Variants in MSI2 observed in about 807,000 individuals in gnomAD.
MSI2 encodes the protein musashi RNA binding protein 2, also known as RNA-binding protein Musashi homolog 2.
A neutral mutation model predicts 45.6 loss-of-function variants in MSI2; 17 were observed. That is an observed-to-expected ratio of 0.37 (90% CI 0.26 to 0.56). The LOEUF is 0.56. Among genes scored for constraint, MSI2 ranks in the 20% least tolerant of loss-of-function variants. MSI2 has a pLI of 0.77. For synonymous variants in MSI2, 156 were observed against 158.2 expected (o/e 0.99, Z 0.11); for missense variants, 293 against 444.2 (o/e 0.66, Z 3.06).
intron 6 of MSI2, among the ~76,000 whole-genome samples, chr17:57,498,116 C>T (rs544629037): frequency 2.6e-5 from 4 of 152,168 alleles, no homozygotes; most frequent in Non-Finnish European, 5.9e-5. Context: ...CTGTTACCCC[C>T]GCTACCCTTA....
intron 5 of MSI2, among the ~76,000 whole-genome samples, chr17:57,381,504 C>T (rs1297671511): frequency 6.6e-6 from 1 of 152,142 alleles, no homozygotes; most frequent in Non-Finnish European, 1.5e-5. Context: ...GAACCTGTTA[C>T]CTTATTGTTC....
chr17:57,598,279 A>G (rs1296108647), intron 8 of MSI2, among the ~76,000 whole-genome samples: 1 of 152,224 alleles, frequency 6.6e-6, no homozygotes, highest in Non-Finnish European at 1.5e-5. Context: ...CTTCTAAAAC[A>G]TGCGTTCAGA....
At chr17:57,318,857 T>A (rs376344113) in intron 5 of MSI2, among the ~76,000 whole-genome samples, 2 of 152,206 alleles carry the variant, frequency 1.3e-5, no homozygotes, top group East Asian at 3.8e-4. Flanking sequence ...GGCTGATTTG[T>A]TACATATAAA....
intron 6 of MSI2, among the ~76,000 whole-genome samples, chr17:57,484,971 A>G (rs953557922): frequency 5.9e-5 from 9 of 152,228 alleles, no homozygotes; most frequent in Non-Finnish European, 8.8e-5. Context: ...ACTCCTGCAC[A>G]GGCAAGGCCC....
At chr17:57,325,604 G>A (rs1452896514) in intron 5 of MSI2, among the ~76,000 whole-genome samples, 2 of 152,226 alleles carry the variant, frequency 1.3e-5, no homozygotes, top group African/African-American at 2.4e-5. Context: ...ACCACTGGGT[G>A]TGCAGCGGCT....
At chr17:57,418,433 GGAGT>G (rs1345686344) in intron 6 of MSI2, among the ~76,000 whole-genome samples, 1 of 152,192 alleles carries the variant, frequency 6.6e-6, no homozygotes, top group African/African-American at 2.4e-5. Context: ...AAAATCTTTT[GGAGT>G]AAGTAGCTGC....
At chr17:57,371,108 A>C (rs536539747) in intron 5 of MSI2, among the ~76,000 whole-genome samples, 4 of 152,268 alleles carry the variant, frequency 2.6e-5, no homozygotes, top group Admixed American at 1.3e-4. Context: ...AAAAGGAGAT[A>C]AATGTAAATT....
intron 5 of MSI2, among the ~76,000 whole-genome samples, chr17:57,304,933 G>A (rs1218220813): frequency 6.6e-6 from 1 of 152,178 alleles, no homozygotes; most frequent in Admixed American, 6.5e-5. Context: ...TGGCAGTGTA[G>A]CAAATATGTA....
intron 4 of MSI2, chr17:57,259,970 C>T (rs1907159427): frequency 6.6e-6 from 1 of 152,122 alleles, no homozygotes; most frequent in South Asian, 2.1e-4. Flanking sequence ...TTTGTTTCAA[C>T]GTTCAGTGCA....
At chr17:57,409,646 C>G (rs1301923443) in intron 6 of MSI2, among the ~76,000 whole-genome samples, 1 of 152,056 alleles carries the variant, frequency 6.6e-6, no homozygotes, top group Admixed American at 6.6e-5. Flanking sequence ...AAGGAAGAAT[C>G]TGATGGAGGG....
chr17:57,443,589 A>G (rs2084841183), intron 6 of MSI2, among the ~76,000 whole-genome samples: 1 of 152,144 alleles, frequency 6.6e-6, no homozygotes. Flanking sequence ...GGTGCCTAGG[A>G]GGGGTCTCTC....
At chr17:57,663,834 A>C (rs1912184747) in intron 11 of MSI2, among the ~76,000 whole-genome samples, 1 of 152,180 alleles carries the variant, frequency 6.6e-6, no homozygotes, top group Non-Finnish European at 1.5e-5. Context: ...CATTCCGTTC[A>C]GGCTTGGAAA....
chr17:57,620,673 T>C (rs2144581241), intron 9 of MSI2, among the ~76,000 whole-genome samples: 1 of 152,322 alleles, frequency 6.6e-6, no homozygotes, highest in Middle Eastern at 3.4e-3. Flanking sequence ...GTTTGGATTA[T>C]TCTTGAGTAG....
intron 4 of MSI2, 151 bp from the exon 5 acceptor site, chr17:57,262,000 T>C (rs775391579): frequency 1.9e-5 from 14 of 742,202 alleles, no homozygotes; most frequent in Non-Finnish European, 3.1e-5. Flanking sequence ...AAAGTTGAGA[T>C]CAAAGTTTAA....
chr17:57,549,275 T>C (rs2144174483), intron 7 of MSI2, among the ~76,000 whole-genome samples: 1 of 152,110 alleles, frequency 6.6e-6, no homozygotes, highest in South Asian at 2.1e-4. Context: ...CTGCAGGGGT[T>C]TATGCTTTGC....
downstream of MSI2, among the ~76,000 whole-genome samples, chr17:57,688,034 T>G (rs183733160): frequency 6.6e-6 from 1 of 152,254 alleles, no homozygotes; most frequent in Admixed American, 6.5e-5. Context: ...CACCATGGAA[T>G]GTTGAAACAG....
intron 7 of MSI2, among the ~76,000 whole-genome samples, chr17:57,541,270 T>C (rs546703287): frequency 4.6e-5 from 7 of 152,306 alleles, no homozygotes; most frequent in East Asian, 3.9e-4. Flanking sequence ...AGTACAGTTA[T>C]GAGTTGTCAG....
intron 6 of MSI2, among the ~76,000 whole-genome samples, chr17:57,452,297 C>T (rs2085033881): frequency 6.6e-6 from 1 of 152,246 alleles, no homozygotes; most frequent in Non-Finnish European, 1.5e-5. Flanking sequence ...GAGCCTCCTC[C>T]AGAGGGGGAG....
At chr17:57,591,385 T>C (rs993211858) in intron 7 of MSI2, among the ~76,000 whole-genome samples, 3 of 152,198 alleles carry the variant, frequency 2.0e-5, no homozygotes, top group African/African-American at 4.8e-5. Context: ...GTACAGGACA[T>C]AGAGTGTATG....
Sources: allele counts gnomAD v4.1 joint callset (sites outside exome capture counted in the v4.1 genomes callset), GRCh38; gene constraint gnomAD v4.1.1; transcripts MANE v1.5; gene names NCBI Gene and HGNC (gene_info 2026-07-23, HGNC 2026-07-21).